Variants in ARID1B observed in about 807,000 individuals in gnomAD.
ARID1B encodes AT-rich interactive domain-containing protein 1B.
In ARID1B, 30 loss-of-function variants were observed where a neutral mutation model predicts 212.3. The observed-to-expected ratio is 0.14, with a 90% confidence interval of 0.11 to 0.19. ARID1B has a LOEUF of 0.19. Ranked by LOEUF, ARID1B falls within the 10% of genes least tolerant of loss-of-function variation. The pLI is 1.00. For synonymous variants in ARID1B, 1,402 were observed against 1,301.7 expected, an observed-to-expected ratio of 1.08 and a Z score of -1.66; for missense variants, 2,891 against 3,204.0, an observed-to-expected ratio of 0.90 and a Z score of 2.36.
intron 4 of ARID1B, among the ~76,000 whole-genome samples, chr6:157,065,052 T>C (rs1783582525): frequency 6.6e-6 from 1 of 152,192 alleles, no homozygotes; most frequent in African/African-American, 2.4e-5. Context: ...TTTATAGATA[T>C]GAAAGTAAGG....
At chr6:156,790,063 C>A (rs1215994441) in intron 1 of ARID1B, among the ~76,000 whole-genome samples, 3 of 152,170 alleles carry the variant, frequency 2.0e-5, no homozygotes, top group Non-Finnish European at 4.4e-5. Flanking sequence ...TAATCCATAC[C>A]ATGGCAGTTT....
At chr6:156,861,340 C>T (rs911799085) in intron 2 of ARID1B, among the ~76,000 whole-genome samples, 1 of 152,194 alleles carries the variant, frequency 6.6e-6, no homozygotes. Flanking sequence ...GTGGTTCATG[C>T]CTCTAATCCT....
At chr6:157,038,425 G>A (rs1411606392) in intron 4 of ARID1B, among the ~76,000 whole-genome samples, 1 of 152,082 alleles carries the variant, frequency 6.6e-6, no homozygotes, top group Non-Finnish European at 1.5e-5. Context: ...GTACAGTAAT[G>A]ACAGGTAAGA....
chr6:156,886,796 G>A (rs1004240065), intron 2 of ARID1B, among the ~76,000 whole-genome samples: 3 of 152,182 alleles, frequency 2.0e-5, no homozygotes, highest in Admixed American at 6.5e-5. Context: ...GAAGGGAATG[G>A]ATACATATTT....
intron 4 of ARID1B, among the ~76,000 whole-genome samples, chr6:156,998,898 C>A (rs957401018): frequency 2.0e-5 from 3 of 152,162 alleles, no homozygotes; most frequent in Non-Finnish European, 2.9e-5. Flanking sequence ...GGAACGCGGC[C>A]CTTGAGAAAA....
intron 4 of ARID1B, among the ~76,000 whole-genome samples, chr6:156,973,166 T>C (rs1316878177): frequency 6.6e-6 from 1 of 152,252 alleles, no homozygotes; most frequent in Non-Finnish European, 1.5e-5. Context: ...TGGCTAGTAA[T>C]TAAGGGACTG....
chr6:156,818,272 T>A (rs180779102), intron 1 of ARID1B, among the ~76,000 whole-genome samples: 1 of 152,252 alleles, frequency 6.6e-6, no homozygotes, highest in African/African-American at 2.4e-5. Context: ...AAAAGCATTT[T>A]AAAACCAGGG....
At chr6:156,891,928 A>G (rs1305321125) in intron 2 of ARID1B, among the ~76,000 whole-genome samples, 5 of 148,954 alleles carry the variant, frequency 3.4e-5, no homozygotes, top group Admixed American at 2.0e-4. Flanking sequence ...CTGGAGTACA[A>G]TGGCGCAATT....
intron 2 of ARID1B, among the ~76,000 whole-genome samples, chr6:156,859,324 T>G (rs1383012977): frequency 1.3e-5 from 2 of 152,202 alleles, no homozygotes; most frequent in South Asian, 2.1e-4. Context: ...AACACTGTTA[T>G]GTGGTACATG....
chr6:156,812,274 G>A (rs1043254698), intron 1 of ARID1B, among the ~76,000 whole-genome samples: 3 of 152,120 alleles, frequency 2.0e-5, no homozygotes, highest in Non-Finnish European at 4.4e-5. Flanking sequence ...TGGGACTACA[G>A]GCATGTGCCA....
chr6:156,868,007 G>A (rs571898528), intron 2 of ARID1B, among the ~76,000 whole-genome samples: 8 of 152,308 alleles, frequency 5.3e-5, no homozygotes, highest in African/African-American at 1.4e-4. Flanking sequence ...TGTCCCTAGC[G>A]CTCTTCCTCA....
chr6:157,164,763 A>C (rs1791204223), intron 8 of ARID1B: 2 of 152,242 alleles, frequency 1.3e-5, no homozygotes, highest in Admixed American at 6.5e-5. Flanking sequence ...GTGCTACAAA[A>C]GGCATAGATG....
At chr6:156,934,912 T>TTATATATA (rs201495355) in intron 3 of ARID1B, among the ~76,000 whole-genome samples, 108 of 52,550 alleles carry the variant, frequency 2.1e-3, no homozygotes, top group East Asian at 3.6e-3. Context: ...TAGTTGTTAA[T>TTATATATA]TATATATATA....
At chr6:156,913,310 G>A (rs1312973004) in intron 3 of ARID1B, among the ~76,000 whole-genome samples, 6 of 148,430 alleles carry the variant, frequency 4.0e-5, no homozygotes, top group South Asian at 4.2e-4. Context: ...TCTGCCTCCC[G>A]GGTTCAAGCA....
intron 4 of ARID1B, among the ~76,000 whole-genome samples, chr6:156,983,581 T>C (rs1777747168): frequency 6.6e-6 from 1 of 152,140 alleles, no homozygotes; most frequent in Admixed American, 6.5e-5. Flanking sequence ...ACACTGGTCG[T>C]GTTCTGCTTG....
At chr6:156,878,874 T>C (rs1422264416) in intron 2 of ARID1B, among the ~76,000 whole-genome samples, 1 of 152,272 alleles carries the variant, frequency 6.6e-6, no homozygotes, top group African/African-American at 2.4e-5. Flanking sequence ...TGGGTTTGTT[T>C]GCATCGTGAT....
chr6:156,872,070 A>T (rs1786176785), intron 2 of ARID1B, among the ~76,000 whole-genome samples: 1 of 152,212 alleles, frequency 6.6e-6, no homozygotes, highest in Non-Finnish European at 1.5e-5. Context: ...GTTGGAATAG[A>T]GTCTGTGTAG....
intron 4 of ARID1B, among the ~76,000 whole-genome samples, chr6:157,001,917 G>A (rs184837463): frequency 1.7e-4 from 26 of 152,294 alleles, no homozygotes; most frequent in African/African-American, 5.5e-4. Context: ...AACAGCAGGC[G>A]GCGAGGGCTC....
chr6:157,173,029 G>T (rs1791829642), intron 9 of ARID1B: 1 of 152,084 alleles, frequency 6.6e-6, no homozygotes, highest in Non-Finnish European at 1.5e-5. Context: ...CATCTGGTTG[G>T]TGCCTCACTC....
Sources: allele counts gnomAD v4.1 joint callset (sites outside exome capture counted in the v4.1 genomes callset), GRCh38; gene constraint gnomAD v4.1.1; transcripts MANE v1.5; gene names NCBI Gene and HGNC (gene_info 2026-07-23, HGNC 2026-07-21).